SWAP70: variants seen among roughly 807,000 people sequenced by gnomAD.
The protein encoded by SWAP70 is switching B cell complex subunit SWAP70, also known as switch-associated protein 70.
Under a neutral mutation model 80.2 loss-of-function variants are expected in SWAP70, and 34 were observed. The observed-to-expected ratio is 0.42, with a 90% CI of 0.32 to 0.56. The LOEUF (loss-of-function observed/expected upper bound fraction) is 0.56. Ranked by LOEUF, SWAP70 falls within the 20% of genes least tolerant of loss-of-function variation. The pLI, the probability that SWAP70 is intolerant of heterozygous loss-of-function variation, is 0.09. For missense variants in SWAP70, 578 were observed against 690.7 expected (o/e 0.84, Z 1.83); for synonymous variants, 239 against 238.5 (o/e 1.00, Z -0.02).
chr11:9,738,010 C>T (rs1157326216), intron 7 of SWAP70, among the ~76,000 whole-genome samples: 3 of 152,232 alleles, frequency 2.0e-5, no homozygotes, highest in Non-Finnish European at 4.4e-5. Flanking sequence ...AATAGTCTTT[C>T]ATTTACCTAA....
intron 3 of SWAP70, among the ~76,000 whole-genome samples, chr11:9,718,466 G>A (rs1054579432): frequency 1.3e-5 from 2 of 152,198 alleles, no homozygotes; most frequent in African/African-American, 4.8e-5. Flanking sequence ...ACCAAGCACT[G>A]CAAACTCAAG....
At chr11:9,747,239 T>C (rs2133820541) in intron 9 of SWAP70, among the ~76,000 whole-genome samples, 1 of 152,348 alleles carries the variant, frequency 6.6e-6, no homozygotes, top group South Asian at 2.1e-4. Context: ...GCTTCATCTG[T>C]AATGTAGGGA....
chr11:9,740,035 A>G, intron 8 of SWAP70, 146 bp from the exon 9 acceptor site: 1 of 669,292 alleles, frequency 1.5e-6, no homozygotes, highest in Non-Finnish European at 2.6e-6. Flanking sequence ...CATCTCCTCC[A>G]TCTTTAAGTT....
At chr11:9,735,295 T>G (rs1851349044) in intron 7 of SWAP70, among the ~76,000 whole-genome samples, 1 of 152,220 alleles carries the variant, frequency 6.6e-6, no homozygotes, top group African/African-American at 2.4e-5. Flanking sequence ...TTATTTCACT[T>G]AATATATTTT....
At chr11:9,725,326 G>A (rs1007489380) in intron 4 of SWAP70, among the ~76,000 whole-genome samples, 1 of 150,534 alleles carries the variant, frequency 6.6e-6, no homozygotes, top group Non-Finnish European at 1.5e-5. Flanking sequence ...CTTGTATTAG[G>A]CTTTCATTAA....
At chr11:9,695,426 A>C (rs1257726516) in intron 2 of SWAP70, among the ~76,000 whole-genome samples, 1 of 152,204 alleles carries the variant, frequency 6.6e-6, no homozygotes, top group Non-Finnish European at 1.5e-5. Context: ...TACGCCATGG[A>C]ATACTATGCT....
chr11:9,713,645 G>A lies in SWAP70; in HGVS notation c.414+6G>A, dbSNP rs1496477. ...TAATTATTGTGTCAGAAGAGGTAAG[G>A]TGTGGCTTGGGGAGTTTTTACTTGG... On this transcript the variant is annotated splice_donor_region_variant and intron_variant, in intron 3 of 11. Transcript: ENST00000318950. 4 of 1,609,332 alleles carry A rather than the reference G, an allele frequency of 2.5e-6. No individual in the cohort carries two copies. The highest frequency in any genetic ancestry group is 3.4e-6 in the Non-Finnish European group (4 of 1,178,130).
intron 3 of SWAP70, among the ~76,000 whole-genome samples, chr11:9,713,999 A>G (rs1336368062): frequency 6.6e-6 from 1 of 152,234 alleles, no homozygotes. Context: ...AACACATGAG[A>G]TCCAGAATGT....
chr11:9,732,624 G>C lies in SWAP70; in HGVS notation c.994G>C (p.Ala332Pro), dbSNP rs1212461536. 1 of 1,590,942 alleles carries C rather than the reference G, an allele frequency of 6.3e-7. No homozygotes were observed. The highest frequency in any genetic ancestry group is 1.7e-5 in the Admixed American group (1 of 57,646). Residue 332 changes from alanine to proline, a missense_variant, in exon 7 of 12, where the codon GCT becomes CCT. Coordinates refer to ENST00000318950, the MANE Select transcript of SWAP70 (RefSeq NM_015055.4). Reference protein sequence around the residue: ...RRKELRKKQLAEQEELERQMK... With the variant: ...RRKELRKKQLPEQEELERQMK... ...GAAAGAACTCCGGAAGAAGCAGCTG[G>C]CTGAACAAGAGGAACTGGAGCGACA...
intron 7 of SWAP70, among the ~76,000 whole-genome samples, chr11:9,736,758 T>C (rs932174738): frequency 6.6e-6 from 1 of 152,190 alleles, no homozygotes; most frequent in Non-Finnish European, 1.5e-5. Context: ...ACTAATTTTG[T>C]TCTGTTGTTC....
Position 9,725,555 on chromosome 11 carries a change from ATATATATATATATATTTTTTT to A in SWAP70, c.642+672_642+692del, listed in dbSNP as rs1308891837. 7.9e-3 allele frequency among the ~76,000 whole-genome samples: 89 copies of A among 11,204 alleles called. 3 individuals carry two copies. In the Middle Eastern group the frequency reaches 0.088, roughly 11 times the overall value. The allele number at this position is 11,204 out of a possible 152,430, so 7.4% of individuals were successfully genotyped here. On this transcript the variant is annotated intron_variant, in intron 4 of 11. Transcript: ENST00000318950. Reference sequence around the variant, plus strand: ...AATATATATATATATATATATATATATATATATATATATATTTTTTTTTTTTTTTTTTTCCAAGACGGAATT... The same window carrying A: ...AATATATATATATATATATATATATATTTTTTTTTTTTCCAAGACGGAATT...
At chr11:9,677,185 A>G (rs1169906228) in intron 1 of SWAP70, among the ~76,000 whole-genome samples, 7 of 152,168 alleles carry the variant, frequency 4.6e-5, no homozygotes, top group African/African-American at 1.7e-4. Flanking sequence ...CATAATGGAA[A>G]TAGGAATAGG....
chr11:9,686,735 A>G (rs903700908), intron 1 of SWAP70, among the ~76,000 whole-genome samples: 3 of 152,130 alleles, frequency 2.0e-5, no homozygotes, highest in Admixed American at 1.3e-4. Context: ...AATGACTGTG[A>G]ACTCTTTCAT....
At chr11:9,736,330 A>G (rs1851362257) in intron 7 of SWAP70, among the ~76,000 whole-genome samples, 1 of 152,074 alleles carries the variant, frequency 6.6e-6, no homozygotes, top group Admixed American at 6.5e-5. Flanking sequence ...AAGTCTTCAT[A>G]TGCTAAATCC....
intron 7 of SWAP70, among the ~76,000 whole-genome samples, chr11:9,734,256 C>A (rs769236591): frequency 6.6e-6 from 1 of 152,168 alleles, no homozygotes; most frequent in Non-Finnish European, 1.5e-5. Context: ...GTATTTTTGC[C>A]TTTTCCAAAT....
chr11:9,664,230 C>G lies in SWAP70; in HGVS notation c.51C>G (p.Thr17=). The G allele has an allele frequency of 6.3e-7, 1 of 1,595,196 alleles. No homozygotes were observed. Among genetic ancestry groups the G allele is most frequent in the Non-Finnish European group, 8.5e-7 (1 of 1,171,558 alleles). Residue 17 remains threonine (T), a synonymous_variant, in exon 1 of 12, where the codon ACC becomes ACG. Transcript: ENST00000318950. ...TCAAAGCCATCTGGCACGCCTTCACCGCACTCGACCAGGACCACAGCGGCA... is the reference window on the plus strand; with the variant it reads ...TCAAAGCCATCTGGCACGCCTTCACGGCACTCGACCAGGACCACAGCGGCA... ...ELLKAIWHAF[T]ALDQDHSGKV...
chr11:9,731,864 T>G (rs1379902866), intron 6 of SWAP70, among the ~76,000 whole-genome samples: 1 of 152,244 alleles, frequency 6.6e-6, no homozygotes, highest in Non-Finnish European at 1.5e-5. Context: ...CCTGTGTGTC[T>G]TTTGAATTTG....
Position 9,704,101 on chromosome 11 carries a change from T to A in SWAP70, c.241-9365T>A, listed in dbSNP as rs1047656405. Among the ~76,000 whole-genome samples, 5 of 152,198 alleles carry A rather than the reference T, an allele frequency of 3.3e-5. No individual in the cohort carries two copies. In the South Asian group the frequency reaches 1.0e-3, roughly 32 times the overall value. ...TATTTACTATGTTGTGTGGCCATCA[T>A]CCCTATCCAAATTCTGGATTTCTGA... On this transcript the variant is annotated intron_variant, in intron 2 of 11. Coordinates refer to ENST00000318950, the MANE Select transcript of SWAP70 (RefSeq NM_015055.4).
rs866208282 is a variant in SWAP70 at position 9,743,236 on chromosome 11, T to G, written c.1355+2889T>G. 3.7e-4 allele frequency among the ~76,000 whole-genome samples: 55 copies of G among 147,972 alleles called. No individual in the cohort carries two copies. In the South Asian group the frequency reaches 8.9e-3, roughly 24 times the overall value. On this transcript the variant is annotated intron_variant, in intron 9 of 11. Transcript: ENST00000318950. ...CCTACAAAGGACATGAACTCATCCT[T>G]TTTTATGGCTGCATAGTATTCCATG...
Sources: allele counts gnomAD v4.1 joint callset (sites outside exome capture counted in the v4.1 genomes callset), GRCh38; gene constraint gnomAD v4.1.1; transcripts MANE v1.5; gene names NCBI Gene and HGNC (gene_info 2026-07-23, HGNC 2026-07-21).